Variants in KCNK2 observed in about 807,000 individuals in gnomAD.
The protein encoded by KCNK2 is potassium channel subfamily K member 2.
In KCNK2, 21 loss-of-function variants were observed where a neutral mutation model predicts 40.5. The observed-to-expected ratio is 0.52, with a 90% CI of 0.37 to 0.75. The LOEUF (loss-of-function observed/expected upper bound fraction) is 0.75, where lower values mean the gene tolerates loss of function less well. Among genes scored for constraint, KCNK2 ranks in the 30% least tolerant of loss-of-function variants. The pLI is 0.00. For synonymous variants in KCNK2, 191 were observed against 202.2 expected (o/e 0.94, Z 0.47); for missense variants, 399 against 531.6 (o/e 0.75, Z 2.45).
intron 5 of KCNK2, among the ~76,000 whole-genome samples, chr1:215,191,177 C>T (rs910532728): frequency 9.9e-5 from 15 of 151,200 alleles, no homozygotes; most frequent in East Asian, 3.9e-4. Flanking sequence ...CCCAGCTTCT[C>T]GGGAAGCTGA....
At chr1:215,230,060 T>TATATATATATAC (rs1344448562) in intron 6 of KCNK2, among the ~76,000 whole-genome samples, 43 of 135,050 alleles carry the variant, frequency 3.2e-4, no homozygotes, top group African/African-American at 1.2e-3. Context: ...CACACAGATA[T>TATATATATATAC]ATATATAGAT....
At chr1:215,081,337 G>A (rs987070770), upstream of KCNK2, among the ~76,000 whole-genome samples, 1 of 152,146 alleles carries the variant, frequency 6.6e-6, no homozygotes, top group African/African-American at 2.4e-5. Context: ...AGATCAGGAA[G>A]CACATTATAG....
intron 2 of KCNK2, among the ~76,000 whole-genome samples, chr1:215,107,102 C>T (rs1660469301): frequency 6.6e-6 from 1 of 151,296 alleles, no homozygotes; most frequent in African/African-American, 2.4e-5. Context: ...ATGAATTTTA[C>T]AGTAGTTTTG....
At chr1:215,169,686 C>T (rs1663611422) in intron 4 of KCNK2, among the ~76,000 whole-genome samples, 1 of 150,822 alleles carries the variant, frequency 6.6e-6, no homozygotes, top group Non-Finnish European at 1.5e-5. Context: ...GCCCAGGCTG[C>T]AGTGCAATGG....
intron 6 of KCNK2, among the ~76,000 whole-genome samples, chr1:215,209,405 A>ATATAATATAAAATATG (rs1665489434): frequency 1.8e-5 from 1 of 57,054 alleles, no homozygotes; most frequent in African/African-American, 7.6e-5. Context: ...TATATAAAAT[A>ATATAATATAAAATATG]TGCATATATT....
rs376995234 is a variant in KCNK2 at position 215,018,873 on chromosome 1, T to C, written c.34+12918T>C. On this transcript the variant is annotated intron_variant, in intron 1 of 6. Transcript: ENST00000391895. ...CCCTGGCTGCTATGTGGCCAATGGA[T>C]TGGAGGGGTCAAGAGCAGAATCACA... Among the ~76,000 whole-genome samples the C allele has an allele frequency of 2.6e-5, 4 of 151,958 alleles. No individual in the cohort carries two copies. The East Asian group carries it at 7.7e-4, about 29-fold the overall frequency.
chr1:215,086,749 G>A, intron 2 of KCNK2, 71 bp downstream of exon 2: 1 of 1,377,466 alleles, frequency 7.3e-7, no homozygotes. Context: ...GAGACAACTT[G>A]TAGCCCAGTG....
Position 215,235,183 on chromosome 1 carries a change from A to T in KCNK2, c.*38A>T, listed in dbSNP as rs1412726313. ...ATAACCTTAGGCATAGCCATAGGTG[A>T]GGACTTCTCTATGCTCTTTATGACT... On this transcript the variant is annotated 3_prime_UTR_variant, in exon 7 of 7. Coordinates refer to ENST00000444842, the MANE Select transcript of KCNK2 (RefSeq NM_001017425.3). 6.5e-7 allele frequency: 1 copy of T among 1,531,378 alleles called. No individual in the cohort carries two copies. The highest frequency in any genetic ancestry group is 8.9e-7 in the Non-Finnish European group (1 of 1,121,626). The allele number at this position is 1,531,378 out of a possible 1,614,324, so 94.9% of individuals were successfully genotyped here. A position where few individuals can be genotyped will look rare whatever the true frequency, so the allele number is the denominator to read the frequency against.
At chr1:215,021,404 C>T (rs1656780552) in intron 1 of KCNK2, among the ~76,000 whole-genome samples, 2 of 51,842 alleles carry the variant, frequency 3.9e-5, no homozygotes, top group Non-Finnish European at 6.9e-5. Flanking sequence ...GCATCTGAAT[C>T]GGTGGGCTGA....
intron 1 of KCNK2, among the ~76,000 whole-genome samples, chr1:215,029,051 C>G (rs971910504): frequency 2.0e-5 from 3 of 151,856 alleles, no homozygotes; most frequent in African/African-American, 7.3e-5. Context: ...TTACCCCTGC[C>G]TCCATACATG....
intron 1 of KCNK2, among the ~76,000 whole-genome samples, chr1:215,040,268 C>G (rs747542384): frequency 1.3e-5 from 2 of 152,060 alleles, no homozygotes; most frequent in African/African-American, 4.8e-5. Context: ...AACTTGTTAC[C>G]ATTAATTCTT....
intron 2 of KCNK2, among the ~76,000 whole-genome samples, chr1:215,122,361 AAG>A (rs1661225065): frequency 6.6e-6 from 1 of 152,296 alleles, no homozygotes; most frequent in East Asian, 1.9e-4. Context: ...ATACAGGAAT[AAG>A]AGAGCAATAA....
intron 1 of KCNK2, chr1:215,083,700 G>A: frequency 1.8e-6 from 1 of 558,194 alleles, no homozygotes; most frequent in South Asian, 2.2e-5. Context: ...AGTTTCCCAT[G>A]GAGAAGGAGG....
At chr1:215,054,765 G>A in intron 1 of KCNK2, among the ~76,000 whole-genome samples, 1 of 152,136 alleles carries the variant, frequency 6.6e-6, no homozygotes, top group East Asian at 1.9e-4. Context: ...GGAATTTTTA[G>A]CCTTTTTCCA....
intron 1 of KCNK2, among the ~76,000 whole-genome samples, chr1:215,018,996 CACA>C (rs1339498008): frequency 7.2e-5 from 4 of 55,708 alleles, no homozygotes; most frequent in Admixed American, 4.0e-4. Context: ...CACACACACA[CACA>C]AAAAAAAAAC....
At chr1:215,081,481 A>ATT (rs34777165), upstream of KCNK2, among the ~76,000 whole-genome samples, 109 of 151,382 alleles carry the variant, frequency 7.2e-4, no homozygotes, top group African/African-American at 1.3e-3. Context: ...TATTAGGAAG[A>ATT]TTTTTTTTTA....
At position 215,115,131 on chromosome 1, in the gene KCNK2, T is replaced by A. The variant is rs1212546624; in HGVS notation, c.358-9502T>A. On this transcript the variant is annotated intron_variant, in intron 2 of 6. Transcript: ENST00000444842. ...CTGGAAGGACAGGAAAAAATCCTTT[T>A]GTTTTTAAAACTTACATAAAAATAT... Among the ~76,000 whole-genome samples the A allele has an allele frequency of 2.6e-5, 4 of 152,214 alleles. No homozygotes were observed. In the East Asian group the frequency reaches 7.7e-4, roughly 29 times the overall value.
At chr1:215,210,895 T>C (rs555179126) in intron 6 of KCNK2, among the ~76,000 whole-genome samples, 1 of 152,196 alleles carries the variant, frequency 6.6e-6, no homozygotes, top group South Asian at 2.1e-4. Flanking sequence ...CAAGTTGCCC[T>C]TCAACAGTGA....
chr1:215,130,048 G>A (rs763454203), intron 3 of KCNK2, among the ~76,000 whole-genome samples: 2 of 152,126 alleles, frequency 1.3e-5, no homozygotes, highest in African/African-American at 2.4e-5. Flanking sequence ...GTGACTACTG[G>A]TGGGCTGCTA....
Sources: gnomAD v4.1 joint callset for allele counts (sites outside exome capture counted in the v4.1 genomes callset) on GRCh38, gnomAD v4.1.1 for gene constraint, MANE v1.5 for transcripts, NCBI Gene and HGNC (gene_info 2026-07-23, HGNC 2026-07-21) for gene names.